Variants in ASIP observed in about 807,000 individuals in gnomAD.
ASIP encodes the protein agouti-signaling protein.
ASIP carries 11 observed loss-of-function variants against 10.3 expected under a neutral mutation model. The observed-to-expected ratio is 1.07, with a 90% CI of 0.68 to 1.78. The LOEUF is 1.78. ASIP is among the 40% of genes most tolerant of loss of function. The probability of loss-of-function intolerance (pLI) is 0.00; values close to 1 mark genes in which losing one functional copy is unlikely to be tolerated. For missense variants in ASIP, 180 were observed against 169.2 expected, an observed-to-expected ratio of 1.06 and a Z score of -0.35; for synonymous variants, 70 against 70.8, an observed-to-expected ratio of 0.99 and a Z score of 0.06.
At chr20:34,254,607 C>T (rs1418345082) in intron 1 of ASIP, among the ~76,000 whole-genome samples, 2 of 152,168 alleles carry the variant, frequency 1.3e-5, no homozygotes, top group African/African-American at 2.4e-5. Flanking sequence ...TGTATTCATC[C>T]TGCCTATTAT....
At chr20:34,238,279 G>A (rs1244179451), upstream of ASIP, among the ~76,000 whole-genome samples, 1 of 152,066 alleles carries the variant, frequency 6.6e-6, no homozygotes, top group East Asian at 1.9e-4. Context: ...ACTTCTGAGA[G>A]AATGCATATG....
At chr20:34,268,882 G>A in intron 3 of ASIP, 109 bp from the exon 4 acceptor site, 2 of 1,400,794 alleles carry the variant, frequency 1.4e-6, no homozygotes, top group South Asian at 2.6e-5. Flanking sequence ...CAAGCCAGCG[G>A]GGAAACCTCT....
chr20:34,210,126 A>G (rs1443109719), intron 1 of ASIP, among the ~76,000 whole-genome samples: 1 of 152,200 alleles, frequency 6.6e-6, no homozygotes, highest in African/African-American at 2.4e-5. Context: ...TGCACACCTC[A>G]TTCTTCCTGG....
intron 1 of ASIP, among the ~76,000 whole-genome samples, chr20:34,222,758 C>T (rs1430237206): frequency 6.6e-6 from 1 of 151,772 alleles, no homozygotes; most frequent in Non-Finnish European, 1.5e-5. Flanking sequence ...CCTGCCTCAG[C>T]CTGCCGAGTG....
chr20:34,264,002 T>C lies in ASIP; in HGVS notation c.222+1109T>C, dbSNP rs1254731674. ...TTAAATTGGAAAATATTTTTGAAGA[T>C]TGACAATTAGAAAAAACAGGTGAAT... is the stretch of plus-strand genomic sequence containing the variant. On this transcript the variant is annotated intron_variant, in intron 3 of 3. Transcript: ENST00000374954. Among the ~76,000 whole-genome samples, 3 of 151,992 alleles carry C rather than the reference T, an allele frequency of 2.0e-5. No homozygotes were observed. In the East Asian group the frequency reaches 5.8e-4, roughly 29 times the overall value.
chr20:34,214,158 C>T, intron 1 of ASIP: 4 of 1,191,764 alleles, frequency 3.4e-6, no homozygotes. Context: ...ATCTTGTATT[C>T]TATTCAAAAT....
chr20:34,267,226 T>C (rs979630595), intron 3 of ASIP, among the ~76,000 whole-genome samples: 3 of 152,072 alleles, frequency 2.0e-5, no homozygotes, highest in African/African-American at 4.8e-5. Context: ...AATCAATAAA[T>C]AGGTAAATAA....
At chr20:34,234,242 C>T (rs893825881) in intron 1 of ASIP, among the ~76,000 whole-genome samples, 2 of 152,206 alleles carry the variant, frequency 1.3e-5, no homozygotes, top group Admixed American at 6.5e-5. Flanking sequence ...TTCCAGGGCT[C>T]ATGACCCAAA....
chr20:34,197,430 G>A (rs975676443), intron 1 of ASIP, among the ~76,000 whole-genome samples: 9 of 152,128 alleles, frequency 5.9e-5, no homozygotes, highest in African/African-American at 1.9e-4. Flanking sequence ...CTCTTCCTTC[G>A]GGTTAGCCTC....
upstream of ASIP, among the ~76,000 whole-genome samples, chr20:34,240,168 A>C (rs1374950572): frequency 1.3e-5 from 2 of 152,222 alleles, no homozygotes; most frequent in Non-Finnish European, 2.9e-5. Context: ...GAGAAAAAAG[A>C]AGCATTTGGG....
At chr20:34,265,894 G>A (rs1399487301) in intron 3 of ASIP, among the ~76,000 whole-genome samples, 1 of 151,160 alleles carries the variant, frequency 6.6e-6, no homozygotes, top group Non-Finnish European at 1.5e-5. Flanking sequence ...AGGTTGCAGT[G>A]AGCCAAGATC....
At chr20:34,246,045 T>TC (rs35988576) in intron 1 of ASIP, 1 of 922,944 alleles carries the variant, frequency 1.1e-6, no homozygotes, top group African/African-American at 1.6e-5. Flanking sequence ...CTGTAAAGTC[T>TC]CCCCGAATAA....
At chr20:34,236,098 GAGAA>G (rs1286886021) in intron 1 of ASIP, among the ~76,000 whole-genome samples, 5 of 146,094 alleles carry the variant, frequency 3.4e-5, no homozygotes, top group East Asian at 2.1e-4. Flanking sequence ...AGGAAGGAAG[GAGAA>G]AGAAAGGAAA....
Position 34,216,931 on chromosome 20 carries a change from TG to T in ASIP, c.-11+22172del, listed in dbSNP as rs1349485449. Among the ~76,000 whole-genome samples the T allele has an allele frequency of 1.1e-4, 17 of 152,340 alleles. No homozygotes were observed. In the East Asian group the frequency reaches 3.1e-3, roughly 28 times the overall value. On this transcript the variant is annotated intron_variant, in intron 1 of 3. Transcript: ENST00000568305. The stretch of plus-strand genomic sequence containing the variant: ...TGTTGTCAATTTCTTCAAAAAAGCC[TG>T]TGGAGCTCTGGAGACGATTTGAGGT...
chr20:34,217,574 T>C (rs1195155641), intron 1 of ASIP, among the ~76,000 whole-genome samples: 1 of 152,068 alleles, frequency 6.6e-6, no homozygotes, highest in Non-Finnish European at 1.5e-5. Context: ...TATTTATTTA[T>C]TTATTGAGAC....
the ASIP span, among the ~76,000 whole-genome samples, chr20:34,187,209 G>C: frequency 5.3e-5 from 8 of 152,312 alleles, no homozygotes; most frequent in South Asian, 1.5e-3. Flanking sequence ...CCACAAAGGG[G>C]TGTGAGAGTC....
In ASIP at chr20:34,258,781, A is replaced by AT. The variant is rs200809276; in HGVS notation, c.-10-1583dup. ...ATATGATATATATAATATATATAGT[A>AT]TATATATAGTGTATATATAATATAT... is the stretch of plus-strand genomic sequence containing the variant. On this transcript the variant is annotated intron_variant, in intron 1 of 3. Transcript: ENST00000374954. Among the ~76,000 whole-genome samples the AT allele has an allele frequency of 1.5e-4, 11 of 72,564 alleles. 1 individual carries two copies. The highest frequency in any genetic ancestry group is 6.8e-4 in the African/African-American group (7 of 10,266). 47.6% of individuals were successfully genotyped at this position (72,564 alleles called of 152,430 possible).
intron 1 of ASIP, among the ~76,000 whole-genome samples, chr20:34,208,975 CTTAAT>C (rs1434195623): frequency 1.1e-4 from 17 of 152,300 alleles, no homozygotes; most frequent in African/African-American, 3.6e-4. Context: ...TATCCTGCTA[CTTAAT>C]TTGTTTATCA....
intron 1 of ASIP, among the ~76,000 whole-genome samples, chr20:34,203,913 G>C (rs1313030715): frequency 6.6e-6 from 1 of 151,442 alleles, no homozygotes; most frequent in East Asian, 2.0e-4. Context: ...AGTAGAGATG[G>C]GGTTGTTTCA....
Sources: gnomAD v4.1 joint callset for allele counts (sites outside exome capture counted in the v4.1 genomes callset) on GRCh38, gnomAD v4.1.1 for gene constraint, MANE v1.5 for transcripts, NCBI Gene and HGNC (gene_info 2026-07-23, HGNC 2026-07-21) for gene names.